Variants in MYLK observed in about 807,000 individuals in gnomAD.
MYLK encodes myosin light chain kinase, smooth muscle.
Under a neutral mutation model 203.4 loss-of-function variants are expected in MYLK, and 106 were observed. The observed-to-expected ratio is 0.52, with a 90% CI of 0.45 to 0.61. The LOEUF (loss-of-function observed/expected upper bound fraction) is 0.61, where lower values mean the gene tolerates loss of function less well. Ranked by LOEUF, MYLK falls within the 20% of genes least tolerant of loss-of-function variation. The pLI, the probability that MYLK is intolerant of heterozygous loss-of-function variation, is 0.00. For synonymous variants in MYLK, 867 were observed against 959.5 expected, an observed-to-expected ratio of 0.90 and a Z score of 1.78; for missense variants, 2,072 against 2,442.3, an observed-to-expected ratio of 0.85 and a Z score of 3.20.
intron 2 of MYLK, among the ~76,000 whole-genome samples, chr3:123,872,944 A>T (rs1414612572): frequency 6.6e-6 from 1 of 152,078 alleles, no homozygotes; most frequent in African/African-American, 2.4e-5. Context: ...TTCCTCTGAC[A>T]ATCAGCCCCC....
chr3:123,819,866 A>G (rs1206482063), intron 3 of MYLK, among the ~76,000 whole-genome samples: 1 of 146,012 alleles, frequency 6.8e-6, no homozygotes, highest in Admixed American at 7.2e-5. Context: ...TGAGATGCAC[A>G]GACCATCATC....
intron 4 of MYLK, among the ~76,000 whole-genome samples, chr3:123,758,909 C>T (rs4678053): frequency 0.97 from 148,179 of 152,252 alleles, 72,268 homozygotes; most frequent in Middle Eastern, 1. Context: ...TTTGCAGCCT[C>T]GAACTCCTGG....
chr3:123,853,368 G>A (rs2031039407), intron 2 of MYLK, among the ~76,000 whole-genome samples: 2 of 152,036 alleles, frequency 1.3e-5, no homozygotes, highest in Admixed American at 6.6e-5. Flanking sequence ...GCTTTTTAAG[G>A]GGGAGAACCA....
chr3:123,738,185 A>T (rs1051292598), intron 7 of MYLK, among the ~76,000 whole-genome samples: 1 of 152,222 alleles, frequency 6.6e-6, no homozygotes, highest in African/African-American at 2.4e-5. Context: ...CCAAGAAGTC[A>T]AATGACTTAT....
At chr3:123,817,656 C>G (rs2065793401) in intron 3 of MYLK, among the ~76,000 whole-genome samples, 1 of 152,190 alleles carries the variant, frequency 6.6e-6, no homozygotes, top group Admixed American at 6.5e-5. Context: ...CAACAGTGGG[C>G]CTCATGTGTG....
intron 3 of MYLK, among the ~76,000 whole-genome samples, chr3:123,815,386 C>A (rs1197122990): frequency 6.6e-6 from 1 of 150,740 alleles, no homozygotes; most frequent in Non-Finnish European, 1.5e-5. Flanking sequence ...GTTAGGCAAG[C>A]CTTGGGAAGT....
chr3:123,614,207 G>A lies in MYLK; in HGVS notation c.5643C>T (p.Thr1881=). 1 of 1,614,056 alleles carries A rather than the reference G, an allele frequency of 6.2e-7. No homozygotes were observed. Among genetic ancestry groups the A allele is most frequent in the Non-Finnish European group, 8.5e-7 (1 of 1,180,002 alleles). The part of the protein sequence containing the change: ...DVCGDDDAKY[T]CKAVNSLGEA... ...CTCCAAGACTGTTGACAGCCTTGCA[G>A]GTGTACTTGGCATCGTCATCCCCGC... The change falls in exon 34 of 34, where the codon ACC becomes ACT. Residue 1881 remains threonine, a synonymous_variant. Transcript: ENST00000360304.
At chr3:123,855,595 T>C (rs2031292960) in intron 2 of MYLK, among the ~76,000 whole-genome samples, 1 of 151,998 alleles carries the variant, frequency 6.6e-6, no homozygotes, top group African/African-American at 2.4e-5. Context: ...GTTATGATTG[T>C]GCTACTCTGC....
At position 123,884,330 on chromosome 3, in the gene MYLK, C is replaced by A. The variant is rs1355760152; in HGVS notation, c.-310G>T. On this transcript the variant is annotated 5_prime_UTR_variant, in exon 1 of 34. Transcript: ENST00000360304. The stretch of plus-strand genomic sequence containing the variant: ...GCTGCCGACCGGGCGGCGCGGGGAG[C>A]CCGCGAGGCGCGTCCGGGACTGGGC... The A allele has an allele frequency of 3.5e-5, 4 of 114,522 alleles. No individual in the cohort carries two copies. Among genetic ancestry groups the A allele is most frequent in the African/African-American group, 1.4e-4 (4 of 28,564 alleles). 7.1% of individuals were successfully genotyped at this position (114,522 alleles called of 1,614,324 possible).
At chr3:123,712,640 G>A (rs1560116401) in intron 13 of MYLK, among the ~76,000 whole-genome samples, 1 of 152,212 alleles carries the variant, frequency 6.6e-6, no homozygotes, top group Non-Finnish European at 1.5e-5. Flanking sequence ...AAGTATGCAT[G>A]AAAGGGTGGC....
intron 4 of MYLK, among the ~76,000 whole-genome samples, chr3:123,782,002 A>C (rs535270934): frequency 6.6e-6 from 1 of 152,206 alleles, no homozygotes; most frequent in African/African-American, 2.4e-5. Flanking sequence ...GTTTTATAAA[A>C]ACTAGGCATG....
chr3:123,737,846 C>A (rs1030400742), intron 7 of MYLK, among the ~76,000 whole-genome samples: 20 of 152,254 alleles, frequency 1.3e-4, no homozygotes, highest in African/African-American at 4.8e-4. Flanking sequence ...TCCTTACCTC[C>A]CCATTCCTTT....
In MYLK at chr3:123,708,752, C is replaced by T. The variant is rs769548990; in HGVS notation, c.2086G>A (p.Glu696Lys). Reference protein sequence around the residue: ...FPEDTGTYTCEAWNSAGEVRT... With the variant: ...FPEDTGTYTCKAWNSAGEVRT... ...ACCTCTCCAGCGCTGTTCCAGGCCT[C>T]GCAGGTGTACGTGCCCGTGTCCTCC... Residue 696 changes from glutamate (E) to lysine (K), a missense_variant, in exon 15 of 34, where the codon GAG (glutamate) becomes AAG (lysine). Glu to Lys is a moderately conservative substitution (Grantham distance 56). Around this residue, in one of 3 missense-constraint regions of MYLK, gnomAD observed 865 missense variants for 1,016.0 expected, o/e 0.85. Coordinates refer to ENST00000360304, the MANE Select transcript of MYLK (RefSeq NM_053025.4). 2.8e-5 allele frequency: 45 copies of T among 1,614,180 alleles called. No homozygotes were observed. The highest frequency in any genetic ancestry group is 6.7e-5 in the East Asian group (3 of 44,884).
At chr3:123,639,534 G>A (rs528765546) in intron 28 of MYLK, among the ~76,000 whole-genome samples, 5 of 152,320 alleles carry the variant, frequency 3.3e-5, no homozygotes, top group African/African-American at 9.6e-5. Flanking sequence ...CTCAATCACC[G>A]GGACATCAAA....
chr3:123,791,222 C>CA (rs1249841443), intron 4 of MYLK, among the ~76,000 whole-genome samples: 5 of 152,154 alleles, frequency 3.3e-5, no homozygotes, highest in African/African-American at 1.2e-4. Flanking sequence ...TGACTATGCC[C>CA]AATAGGGAAC....
At chr3:123,660,920 G>C (rs1301765394) in intron 23 of MYLK, among the ~76,000 whole-genome samples, 1 of 152,226 alleles carries the variant, frequency 6.6e-6, no homozygotes. Flanking sequence ...CTAATTCTAA[G>C]TGTACAGGCT....
rs199521089 is a variant in MYLK at position 123,682,214 on chromosome 3, G to A, written c.3652+10C>T. The A allele has an allele frequency of 4.2e-5, 67 of 1,592,594 alleles. No homozygotes were observed. The highest frequency in any genetic ancestry group is 3.7e-4 in the African/African-American group (28 of 74,858). ...CTGCCTCTGCCTGGTGAAGCTGGGC[G>A]AGTACTCACTCTCAGTTCCTAGCAC... On this transcript the variant is annotated intron_variant, in intron 20 of 33. Coordinates refer to ENST00000360304, the MANE Select transcript of MYLK (RefSeq NM_053025.4).
At chr3:123,666,367 A>G (rs2059734453) in intron 21 of MYLK, 21 bp from the exon 22 acceptor site, 1 of 1,614,102 alleles carries the variant, frequency 6.2e-7, no homozygotes, top group African/African-American at 1.3e-5. Context: ...ACAGGGAGAA[A>G]GTGAGCGAGG....
intron 24 of MYLK, among the ~76,000 whole-genome samples, chr3:123,652,457 C>A (rs899674090): frequency 6.6e-6 from 1 of 152,206 alleles, no homozygotes. Flanking sequence ...TCACATGGCA[C>A]AAGTCCAGTC....
Sources: gnomAD v4.1 joint callset for allele counts (sites outside exome capture counted in the v4.1 genomes callset) on GRCh38, gnomAD v4.1.1 for gene constraint, gnomAD v4.1.1 regional missense constraint, MANE v1.5 for transcripts, NCBI Gene and HGNC (gene_info 2026-07-23, HGNC 2026-07-21) for gene names.